ASIC2: variants seen among roughly 807,000 people sequenced by gnomAD.
ASIC2 encodes the protein acid sensing ion channel subunit 2.
Under a neutral mutation model 57.3 loss-of-function variants are expected in ASIC2, and 25 were observed. That is an observed-to-expected ratio of 0.44 (90% CI 0.32 to 0.61). The LOEUF is 0.61. Ranked by LOEUF, ASIC2 falls within the 20% of genes least tolerant of loss-of-function variation. The pLI, the probability that ASIC2 is intolerant of heterozygous loss-of-function variation, is 0.06. For missense variants in ASIC2, 641 were observed against 738.1 expected (o/e 0.87, Z 1.52); for synonymous variants, 319 against 307.5 (o/e 1.04, Z -0.39).
chr17:34,129,608 C>A (rs1313888784), intron 1 of ASIC2, among the ~76,000 whole-genome samples: 3 of 152,102 alleles, frequency 2.0e-5, no homozygotes, highest in Non-Finnish European at 1.5e-5. Flanking sequence ...CTATAGTACC[C>A]CCTCATGGAG....
At chr17:33,786,756 G>A (rs1258431003) in intron 1 of ASIC2, among the ~76,000 whole-genome samples, 1 of 152,130 alleles carries the variant, frequency 6.6e-6, no homozygotes, top group African/African-American at 2.4e-5. Context: ...TCAGGGTTGG[G>A]AAGCAGGCAG....
chr17:33,469,797 C>A (rs1363856937), intron 1 of ASIC2, among the ~76,000 whole-genome samples: 1 of 152,108 alleles, frequency 6.6e-6, no homozygotes, highest in African/African-American at 2.4e-5. Context: ...GAAATATGGT[C>A]AATTCCCTGA....
chr17:33,833,292 C>A (rs7217757), intron 1 of ASIC2, among the ~76,000 whole-genome samples: 9,967 of 152,024 alleles, frequency 0.066, 391 homozygotes, highest in East Asian at 0.19. Flanking sequence ...GCATCAAGTG[C>A]AGTATTGGTT....
chr17:33,166,949 G>C (rs114554371), intron 1 of ASIC2, among the ~76,000 whole-genome samples: 1 of 152,196 alleles, frequency 6.6e-6, no homozygotes, highest in Admixed American at 6.5e-5. Context: ...GTAACAGACT[G>C]GAATCATAGA....
intron 1 of ASIC2, among the ~76,000 whole-genome samples, chr17:33,668,272 CTTTTTTTTTTTT>C (rs397856474): frequency 2.4e-4 from 15 of 61,388 alleles, no homozygotes; most frequent in Non-Finnish European, 3.0e-4. Context: ...ATCAAATGTT[CTTTTTTTTTTTT>C]TTTTTTTTTT....
intron 1 of ASIC2, among the ~76,000 whole-genome samples, chr17:33,948,940 C>A (rs1904471404): frequency 6.6e-6 from 1 of 152,168 alleles, no homozygotes; most frequent in Admixed American, 6.5e-5. Context: ...GTCTTCGTTG[C>A]AACTACTCAA....
At chr17:34,032,659 T>C (rs1038170206) in intron 1 of ASIC2, among the ~76,000 whole-genome samples, 26 of 152,130 alleles carry the variant, frequency 1.7e-4, no homozygotes, top group Non-Finnish European at 3.5e-4. Context: ...AATAAAGGGA[T>C]GGAGGAAGAT....
At chr17:33,585,963 T>C (rs1007803669) in intron 1 of ASIC2, among the ~76,000 whole-genome samples, 6 of 152,180 alleles carry the variant, frequency 3.9e-5, no homozygotes, top group African/African-American at 1.4e-4. Context: ...AGTATAAGAC[T>C]AAGTAACTAG....
At chr17:33,097,942 C>T (rs1321650664) in intron 2 of ASIC2, among the ~76,000 whole-genome samples, 1 of 152,220 alleles carries the variant, frequency 6.6e-6, no homozygotes, top group African/African-American at 2.4e-5. Context: ...CAGAGAAGTG[C>T]ATCAAGGAAA....
intron 1 of ASIC2, among the ~76,000 whole-genome samples, chr17:33,406,622 G>T (rs1162296906): frequency 6.6e-6 from 1 of 152,216 alleles, no homozygotes; most frequent in African/African-American, 2.4e-5. Flanking sequence ...TCAGAGAGCT[G>T]CCATGAGGAT....
intron 1 of ASIC2, among the ~76,000 whole-genome samples, chr17:33,994,307 G>C (rs1906088646): frequency 6.6e-6 from 1 of 152,192 alleles, no homozygotes; most frequent in Admixed American, 6.5e-5. Flanking sequence ...TTAGGCACAG[G>C]ATGCAAAGAA....
chr17:33,543,224 C>T (rs943848128), intron 1 of ASIC2, among the ~76,000 whole-genome samples: 2 of 151,216 alleles, frequency 1.3e-5, no homozygotes, highest in Non-Finnish European at 2.9e-5. Context: ...CAGCATGGCA[C>T]ATGTATACAT....
chr17:33,134,602 G>A (rs764893408), intron 1 of ASIC2, among the ~76,000 whole-genome samples: 1 of 152,248 alleles, frequency 6.6e-6, no homozygotes, highest in Non-Finnish European at 1.5e-5. Flanking sequence ...TTCCCAGCTT[G>A]CTGAAGCTCA....
chr17:33,128,522 TGCAGGAGGGAAGTTG>T (rs566795880), intron 1 of ASIC2, among the ~76,000 whole-genome samples: 24 of 152,310 alleles, frequency 1.6e-4, no homozygotes, highest in African/African-American at 5.3e-4. Context: ...ATCACACCCA[TGCAGGAGGGAAGTTG>T]GCAGGAGAAG....
intron 1 of ASIC2, among the ~76,000 whole-genome samples, chr17:33,919,055 C>T (rs1915651339): frequency 6.6e-6 from 1 of 152,128 alleles, no homozygotes; most frequent in Admixed American, 6.5e-5. Flanking sequence ...CACCAGAGTT[C>T]CTGAGCAGGG....
intron 1 of ASIC2, among the ~76,000 whole-genome samples, chr17:33,746,244 A>C (rs1330356920): frequency 6.6e-6 from 1 of 151,308 alleles, no homozygotes; most frequent in East Asian, 2.0e-4. Flanking sequence ...TTAGCTTTAA[A>C]TACATATACA....
intron 1 of ASIC2, among the ~76,000 whole-genome samples, chr17:33,528,454 GA>G (rs1488749276): frequency 6.6e-6 from 1 of 152,028 alleles, no homozygotes; most frequent in Non-Finnish European, 1.5e-5. Context: ...ATAAGTCAAT[GA>G]AAAAAATTTT....
intron 1 of ASIC2, among the ~76,000 whole-genome samples, chr17:33,938,700 TGGGA>T (rs1916120821): frequency 6.6e-6 from 1 of 152,192 alleles, no homozygotes; most frequent in Non-Finnish European, 1.5e-5. Flanking sequence ...ATGCAGTGCC[TGGGA>T]AGTGCCCAGC....
chr17:34,039,216 T>G, intron 1 of ASIC2: 1 of 1,613,996 alleles, frequency 6.2e-7, no homozygotes, highest in Non-Finnish European at 8.5e-7. Context: ...TGTTTTCTAG[T>G]GCAGATATTT....
Sources: allele counts gnomAD v4.1 joint callset (sites outside exome capture counted in the v4.1 genomes callset), GRCh38; gene constraint gnomAD v4.1.1; transcripts MANE v1.5; gene names NCBI Gene and HGNC (gene_info 2026-07-23, HGNC 2026-07-21).